The following KIAA1217 variants were observed in gnomAD, a reference collection of about 807,000 sequenced individuals.
KIAA1217 encodes the protein sickle tail protein homolog.
In KIAA1217, 88 loss-of-function variants were observed where a neutral mutation model predicts 163.9. The observed-to-expected ratio is 0.54, with a 90% confidence interval of 0.45 to 0.64. The LOEUF (loss-of-function observed/expected upper bound fraction) is 0.64, where lower values mean the gene tolerates loss of function less well. Ranked by LOEUF, KIAA1217 falls within the 30% of genes least tolerant of loss-of-function variation. The pLI is 0.00. For missense variants in KIAA1217, 2,372 were observed against 2,475.0 expected (o/e 0.96, Z 0.88); for synonymous variants, 903 against 923.1 (o/e 0.98, Z 0.39).
chr10:23,831,289 GA>G (rs565586461), intron 1 of KIAA1217, among the ~76,000 whole-genome samples: 3,905 of 137,474 alleles, frequency 0.028, 147 homozygotes, highest in African/African-American at 0.092. Context: ...CTTTTACACA[GA>G]AAAAAAAAAA....
intron 2 of KIAA1217, among the ~76,000 whole-genome samples, chr10:24,051,630 A>G (rs1334250274): frequency 1.3e-5 from 2 of 151,936 alleles, no homozygotes; most frequent in Non-Finnish European, 2.9e-5. Context: ...TTATTTCTTT[A>G]TTTTTAAATT....
intron 6 of KIAA1217, among the ~76,000 whole-genome samples, chr10:24,476,589 CA>C (rs2064067991): frequency 6.6e-6 from 1 of 152,134 alleles, no homozygotes; most frequent in Non-Finnish European, 1.5e-5. Flanking sequence ...CAGTCATTAT[CA>C]CCAGTGTATT....
chr10:24,321,436 G>T (rs778824156), intron 2 of KIAA1217, among the ~76,000 whole-genome samples: 26 of 152,072 alleles, frequency 1.7e-4, no homozygotes, highest in Non-Finnish European at 3.7e-4. Flanking sequence ...CTACTCAGGA[G>T]GCGGGAGAAT....
chr10:24,216,413 T>C (rs138792447), intron 1 of KIAA1217, among the ~76,000 whole-genome samples: 2 of 152,356 alleles, frequency 1.3e-5, no homozygotes, highest in East Asian at 3.9e-4. Flanking sequence ...GATGTGTGTA[T>C]GCCTGCATAA....
chr10:24,245,545 T>A (rs556435714), intron 2 of KIAA1217, among the ~76,000 whole-genome samples: 1 of 152,248 alleles, frequency 6.6e-6, no homozygotes, highest in South Asian at 2.1e-4. Flanking sequence ...CCCTTGGTGA[T>A]TTTCTCTCTT....
intron 1 of KIAA1217, among the ~76,000 whole-genome samples, chr10:24,215,091 G>A (rs2068645011): frequency 6.6e-6 from 1 of 152,186 alleles, no homozygotes; most frequent in East Asian, 1.9e-4. Flanking sequence ...TACTTTCTAT[G>A]CTTTCTTTCC....
At chr10:24,300,890 G>A (rs2041242025) in intron 2 of KIAA1217, among the ~76,000 whole-genome samples, 1 of 152,082 alleles carries the variant, frequency 6.6e-6, no homozygotes, top group African/African-American at 2.4e-5. Context: ...TTGGCTCACT[G>A]CAACCTCTGC....
intron 1 of KIAA1217, among the ~76,000 whole-genome samples, chr10:23,987,799 C>T (rs1379208477): frequency 6.6e-6 from 1 of 152,124 alleles, no homozygotes; most frequent in Admixed American, 6.5e-5. Flanking sequence ...CAGCTCCTCT[C>T]ATCTTATTGT....
chr10:23,975,745 T>C (rs1845512855), intron 1 of KIAA1217, among the ~76,000 whole-genome samples: 1 of 152,172 alleles, frequency 6.6e-6, no homozygotes, highest in Non-Finnish European at 1.5e-5. Context: ...ACCTCCTCCA[T>C]ATTATATTTG....
At chr10:24,077,493 C>T (rs1286147510) in intron 2 of KIAA1217, among the ~76,000 whole-genome samples, 1 of 152,150 alleles carries the variant, frequency 6.6e-6, no homozygotes, top group Non-Finnish European at 1.5e-5. Context: ...CATCTATGTC[C>T]CTGCAAAGGA....
chr10:23,752,273 T>C (rs757259344), intron 1 of KIAA1217, among the ~76,000 whole-genome samples: 1 of 152,222 alleles, frequency 6.6e-6, no homozygotes, highest in Non-Finnish European at 1.5e-5. Flanking sequence ...TGAATTAAAA[T>C]ACTATTAATT....
intron 2 of KIAA1217, among the ~76,000 whole-genome samples, chr10:24,039,413 G>C (rs1848532526): frequency 6.6e-6 from 1 of 152,166 alleles, no homozygotes; most frequent in Non-Finnish European, 1.5e-5. Flanking sequence ...TCCCAGGCTA[G>C]TGATATACAA....
intron 2 of KIAA1217, among the ~76,000 whole-genome samples, chr10:24,023,403 C>T (rs1337257282): frequency 2.6e-5 from 4 of 151,386 alleles, no homozygotes; most frequent in Admixed American, 1.3e-4. Flanking sequence ...CACAGTTGAC[C>T]CTTGAACAGT....
Position 23,871,821 on chromosome 10 carries a change from C to T in KIAA1217, c.-320-135404C>T, listed in dbSNP as rs557220255. ...TCAGTAGCAACTAAAACCATTTGCT[C>T]ATAGCATCAAGAGTAATAATAGCAT... On this transcript the variant is annotated intron_variant, in intron 1 of 18. Coordinates refer to the KIAA1217 transcript ENST00000376462. 7.9e-5 allele frequency among the ~76,000 whole-genome samples: 12 copies of T among 152,044 alleles called. 1 individual carries two copies. Among genetic ancestry groups the T allele is most frequent in the Non-Finnish European group, 1.6e-4 (11 of 67,992 alleles).
At chr10:24,495,418 G>A (rs186575239) in intron 8 of KIAA1217, among the ~76,000 whole-genome samples, 82 of 152,298 alleles carry the variant, frequency 5.4e-4, no homozygotes, top group African/African-American at 1.9e-3. Flanking sequence ...TCATTCATTT[G>A]TTCATTGATA....
At chr10:23,914,769 G>A (rs1025244914) in intron 1 of KIAA1217, among the ~76,000 whole-genome samples, 30 of 152,154 alleles carry the variant, frequency 2.0e-4, no homozygotes, top group Non-Finnish European at 1.0e-4. Flanking sequence ...TTAGGTCCAT[G>A]GCAATTCTCC....
chr10:23,720,939 C>T (rs940302893), intron 1 of KIAA1217, among the ~76,000 whole-genome samples: 15 of 152,122 alleles, frequency 9.9e-5, no homozygotes, highest in African/African-American at 2.9e-4. Flanking sequence ...AAAATTAAAA[C>T]GAAAAGGTAT....
Position 24,088,435 on chromosome 10 carries a change from T to TCCCTCCC in KIAA1217, c.-171+81071_-171+81077dup, listed in dbSNP as rs1378251858. On this transcript the variant is annotated intron_variant, in intron 2 of 18. Transcript: ENST00000376462. ...ACATTAGGTATATCTCCTAATGCTATCCCTCCCCCCTCCCCCTACTCAACA... is the reference window on the plus strand; with the variant it reads ...ACATTAGGTATATCTCCTAATGCTATCCCTCCCCCCTCCCCCCTCCCCCTACTCAACA... 6.5e-5 allele frequency among the ~76,000 whole-genome samples: 5 copies of TCCCTCCC among 77,302 alleles called. No individual in the cohort carries two copies. In the East Asian group the frequency reaches 9.1e-4, roughly 14 times the overall value. The allele number at this position is 77,302 out of a possible 152,430, so 50.7% of individuals were successfully genotyped here. A position where few individuals can be genotyped will look rare whatever the true frequency, so the allele number is the denominator to read the frequency against.
At chr10:24,185,862 G>T (rs766637676) in intron 2 of KIAA1217, among the ~76,000 whole-genome samples, 2 of 152,008 alleles carry the variant, frequency 1.3e-5, no homozygotes, top group Non-Finnish European at 2.9e-5. Context: ...CTACTAAGAG[G>T]CTGAGACAGG....
Sources: allele counts gnomAD v4.1 joint callset (sites outside exome capture counted in the v4.1 genomes callset), GRCh38; gene constraint gnomAD v4.1.1; transcripts MANE v1.5; gene names NCBI Gene and HGNC (gene_info 2026-07-23, HGNC 2026-07-21).